CCNY: variants seen among roughly 807,000 people sequenced by gnomAD.
The protein encoded by CCNY is cyclin Y.
Under a neutral mutation model 42.8 loss-of-function variants are expected in CCNY, and 19 were observed. The ratio of observed to expected loss-of-function variants is 0.44; its 90% CI spans 0.31 to 0.65. The LOEUF is 0.65. CCNY is among the 30% of genes least tolerant of loss of function. The pLI is 0.07. For synonymous variants in CCNY, 165 were observed against 162.7 expected, an observed-to-expected ratio of 1.01 and a Z score of -0.11; for missense variants, 370 against 437.3, an observed-to-expected ratio of 0.85 and a Z score of 1.37.
chr10:35,328,491 T>C (rs549450946), intron 3 of CCNY, among the ~76,000 whole-genome samples: 42 of 152,274 alleles, frequency 2.8e-4, no homozygotes, highest in African/African-American at 9.4e-4. Flanking sequence ...CAAGGTAAAG[T>C]CTCCAGGAAA....
intron 1 of CCNY, among the ~76,000 whole-genome samples, chr10:35,399,813 G>T (rs1300893647): frequency 6.6e-6 from 1 of 152,050 alleles, no homozygotes; most frequent in Non-Finnish European, 1.5e-5. Flanking sequence ...AGTGCCATGC[G>T]GGGGAGAAAA....
chr10:35,247,128 G>A (rs1049606525), exon 1 of CCNY: 1 of 153,264 alleles, frequency 6.5e-6, no homozygotes. Flanking sequence ...CAGAGGCATG[G>A]AGGTGAGCTC....
chr10:35,393,677 T>C (rs1352947823), intron 1 of CCNY, among the ~76,000 whole-genome samples: 1 of 152,196 alleles, frequency 6.6e-6, no homozygotes, highest in Non-Finnish European at 1.5e-5. Context: ...CTTTAGAGCT[T>C]CTTTGCATTC....
intron 1 of CCNY, among the ~76,000 whole-genome samples, chr10:35,476,977 TACAA>T (rs1280286372): frequency 2.6e-5 from 4 of 152,014 alleles, no homozygotes; most frequent in African/African-American, 9.7e-5. Flanking sequence ...CCCACAGAAA[TACAA>T]ACTACCATCA....
chr10:35,459,113 A>C (rs1175450277), intron 1 of CCNY, among the ~76,000 whole-genome samples: 1 of 152,258 alleles, frequency 6.6e-6, no homozygotes, highest in East Asian at 1.9e-4. Flanking sequence ...ACTGATGATT[A>C]AAATGAAGCT....
chr10:35,530,092 G>A lies in CCNY; in HGVS notation c.460-32G>A. On this transcript the variant is annotated intron_variant, in intron 6 of 9. Transcript: ENST00000374704. The surrounding 1 kb of genome is among the most constrained non-coding windows in gnomAD (Gnocchi z 4.3). ...TATTTCTCTTTTGCTCCAATCGGGAGATCAGTCATCTGAAAATATTTTCTT... is the reference window on the plus strand; with the variant it reads ...TATTTCTCTTTTGCTCCAATCGGGAAATCAGTCATCTGAAAATATTTTCTT... The A allele has an allele frequency of 6.2e-7, 1 of 1,614,126 alleles. No homozygotes were observed. The highest frequency in any genetic ancestry group is 8.5e-7 in the Non-Finnish European group (1 of 1,179,996).
At chr10:35,499,199 G>A (rs1194552121) in intron 2 of CCNY, among the ~76,000 whole-genome samples, 1 of 152,144 alleles carries the variant, frequency 6.6e-6, no homozygotes, top group African/African-American at 2.4e-5. Flanking sequence ...CCCAGACTGG[G>A]CAGTTTACAA....
chr10:35,519,811 T>C (rs1260454136), intron 4 of CCNY, among the ~76,000 whole-genome samples: 2 of 122,266 alleles, frequency 1.6e-5, no homozygotes, highest in African/African-American at 3.3e-5. Flanking sequence ...TGAGACAGGA[T>C]CTCTGTCCCC....
At chr10:35,524,821 C>T (rs1210738363) in intron 4 of CCNY, among the ~76,000 whole-genome samples, 1 of 152,086 alleles carries the variant, frequency 6.6e-6, no homozygotes, top group Non-Finnish European at 1.5e-5. Flanking sequence ...AGTTGGAGAC[C>T]ACTTGGTCAA....
intron 1 of CCNY, among the ~76,000 whole-genome samples, chr10:35,341,257 TC>T (rs1222456174): frequency 6.6e-6 from 1 of 152,126 alleles, no homozygotes; most frequent in Non-Finnish European, 1.5e-5. Flanking sequence ...CCCCGTTCTC[TC>T]CCTCTGCCTG....
Position 35,346,379 on chromosome 10 carries a change from GA to G in CCNY, c.154+9175del, listed in dbSNP as rs1233905576. Reference sequence around the variant, plus strand: ...GCTTCCTTTGCTATTTGCCAGCTTGGAAAGAAGGGTGTGCTAAAGCTAAAAT... The same window carrying G: ...GCTTCCTTTGCTATTTGCCAGCTTGGAAGAAGGGTGTGCTAAAGCTAAAAT... On this transcript the variant is annotated intron_variant, in intron 1 of 9. Coordinates refer to ENST00000374704, the MANE Select transcript of CCNY (RefSeq NM_145012.6). Among the ~76,000 whole-genome samples the G allele has an allele frequency of 2.6e-5, 4 of 152,240 alleles. No individual in the cohort carries two copies. The East Asian group carries it at 7.7e-4, about 29-fold the overall frequency.
At chr10:35,457,644 A>G (rs1464444130) in intron 1 of CCNY, among the ~76,000 whole-genome samples, 1 of 151,844 alleles carries the variant, frequency 6.6e-6, no homozygotes, top group Non-Finnish European at 1.5e-5. Context: ...GCAGTGGCAC[A>G]GTCTCGGCTC....
chr10:35,277,859 T>C (rs1835256950), intron 3 of CCNY, among the ~76,000 whole-genome samples: 2 of 152,176 alleles, frequency 1.3e-5, no homozygotes, highest in South Asian at 4.1e-4. Context: ...TGCACCCCAA[T>C]TGGCCCTTTC....
chr10:35,430,340 A>G (rs1006799640), intron 1 of CCNY, among the ~76,000 whole-genome samples: 1 of 130,710 alleles, frequency 7.7e-6, no homozygotes, highest in African/African-American at 3.4e-5. Context: ...CCGTCTCAAA[A>G]AAAAAAAAAA....
chr10:35,292,267 A>G (rs1355106642), intron 3 of CCNY, among the ~76,000 whole-genome samples: 1 of 152,214 alleles, frequency 6.6e-6, no homozygotes, highest in Non-Finnish European at 1.5e-5. Flanking sequence ...CCCTTACCCA[A>G]GAAATGATTT....
intron 1 of CCNY, among the ~76,000 whole-genome samples, chr10:35,450,820 G>A (rs938994642): frequency 2.6e-5 from 4 of 151,698 alleles, no homozygotes; most frequent in Admixed American, 1.3e-4. Context: ...TCTGTCCTCT[G>A]TTTTGGAGAA....
At chr10:35,267,536 C>T (rs1308845155) in intron 3 of CCNY, among the ~76,000 whole-genome samples, 1 of 152,122 alleles carries the variant, frequency 6.6e-6, no homozygotes, top group South Asian at 2.1e-4. Context: ...TCCAACATGT[C>T]CATGGTGGTG....
At chr10:35,307,818 A>ATTTT (rs1241404700) in intron 3 of CCNY, among the ~76,000 whole-genome samples, 2 of 96,168 alleles carry the variant, frequency 2.1e-5, no homozygotes, top group South Asian at 3.5e-4. Context: ...ATATATATAT[A>ATTTT]TTTTTTTTTT....
intron 1 of CCNY, among the ~76,000 whole-genome samples, chr10:35,379,075 G>T (rs1293222467): frequency 6.6e-6 from 1 of 152,198 alleles, no homozygotes; most frequent in East Asian, 1.9e-4. Context: ...ACAGAGGTGG[G>T]ATGGACCCAC....
Sources: allele counts gnomAD v4.1 joint callset (sites outside exome capture counted in the v4.1 genomes callset), GRCh38; gene constraint gnomAD v4.1.1; non-coding constraint Gnocchi (gnomAD v3.1); transcripts MANE v1.5; gene names NCBI Gene and HGNC (gene_info 2026-07-23, HGNC 2026-07-21).